Variants in GLRA3 observed in about 807,000 individuals in gnomAD.
The protein encoded by GLRA3 is glycine receptor subunit alpha-3.
A neutral mutation model predicts 60.4 loss-of-function variants in GLRA3; 44 were observed. That is an observed-to-expected ratio of 0.73 (90% CI 0.57 to 0.94). The LOEUF is 0.94. Ranked by LOEUF, GLRA3 falls within the 40% of genes least tolerant of loss-of-function variation. GLRA3 has a pLI of 0.00. For synonymous variants in GLRA3, 223 were observed against 192.9 expected (o/e 1.16, Z -1.29); for missense variants, 508 against 564.6 (o/e 0.90, Z 1.02).
At chr4:174,828,095 A>G (rs1741050786) in intron 1 of GLRA3, among the ~76,000 whole-genome samples, 1 of 152,146 alleles carries the variant, frequency 6.6e-6, no homozygotes. Context: ...TGATAAGAAA[A>G]TGACATGTCA....
intron 8 of GLRA3, among the ~76,000 whole-genome samples, chr4:174,658,307 T>TA (rs1469471504): frequency 6.6e-6 from 1 of 152,184 alleles, no homozygotes; most frequent in Non-Finnish European, 1.5e-5. Context: ...CTGCGGTTGA[T>TA]AGAGGCTCTC....
intron 7 of GLRA3, among the ~76,000 whole-genome samples, chr4:174,664,492 T>G (rs1405262666): frequency 6.6e-6 from 1 of 152,100 alleles, no homozygotes; most frequent in Admixed American, 6.6e-5. Flanking sequence ...CACTCTGCAG[T>G]TGTTCACCCC....
intron 5 of GLRA3, among the ~76,000 whole-genome samples, chr4:174,690,432 C>T (rs577952249): frequency 3.3e-5 from 5 of 152,038 alleles, no homozygotes; most frequent in Non-Finnish European, 7.4e-5. Flanking sequence ...CAAAATCAGA[C>T]CTATGTGTGG....
At chr4:174,812,773 C>T (rs976239531) in intron 1 of GLRA3, among the ~76,000 whole-genome samples, 1 of 152,130 alleles carries the variant, frequency 6.6e-6, no homozygotes, top group Non-Finnish European at 1.5e-5. Context: ...TCAGTTTATA[C>T]TTAAAGCTAA....
chr4:174,793,335 C>T (rs1015481265), intron 1 of GLRA3, among the ~76,000 whole-genome samples: 1 of 151,908 alleles, frequency 6.6e-6, no homozygotes, highest in Non-Finnish European at 1.5e-5. Context: ...TTTATTTACT[C>T]CCATGGTATC....
intron 7 of GLRA3, among the ~76,000 whole-genome samples, chr4:174,660,966 T>C (rs1484517855): frequency 6.6e-6 from 1 of 152,180 alleles, no homozygotes; most frequent in Non-Finnish European, 1.5e-5. Context: ...TATTTGAGCA[T>C]TTCCTCACTT....
chr4:174,790,542 C>G (rs987060019), intron 1 of GLRA3, among the ~76,000 whole-genome samples: 12 of 151,966 alleles, frequency 7.9e-5, no homozygotes, highest in Non-Finnish European at 1.6e-4. Context: ...CTACATGCTG[C>G]TGCTTTTAAA....
chr4:174,799,747 G>A (rs145226655), intron 1 of GLRA3, among the ~76,000 whole-genome samples: 21 of 152,012 alleles, frequency 1.4e-4, no homozygotes, highest in African/African-American at 5.1e-4. Flanking sequence ...CTAAATAAAT[G>A]CAAACATATT....
At chr4:174,683,448 T>G (rs923513242) in intron 5 of GLRA3, among the ~76,000 whole-genome samples, 7 of 152,124 alleles carry the variant, frequency 4.6e-5, no homozygotes, top group Admixed American at 2.0e-4. Context: ...CCTCCTGGGT[T>G]CAAGTGATTC....
At chr4:174,714,063 C>T (rs1304590751) in intron 5 of GLRA3, among the ~76,000 whole-genome samples, 1 of 152,224 alleles carries the variant, frequency 6.6e-6, no homozygotes, top group African/African-American at 2.4e-5. Context: ...TCTCCTGTTT[C>T]TACCTTCCAC....
rs748400564 is a variant in GLRA3, at chr4:174,788,914, G to T, written c.101C>A (p.Ala34Glu). ...TGACATTGGAGCACTTCGAGATCTT[G>T]CACTGTCTGTTTCCTTTGTGGCAAC... is the stretch of plus-strand genomic sequence containing the variant. ...SLVATKETDS[A>E]RSRSAPMSPS... is the part of the protein sequence containing the mutation. The change falls in exon 2 of 10, where the codon GCA becomes GAA. Residue 34 changes from alanine (A) to glutamate (E), a missense_variant. Physicochemically the swap from Ala to Glu is moderately radical, Grantham distance 107 (BLOSUM62 -1). Transcript: ENST00000274093. 200 of 1,603,790 alleles carry T rather than the reference G, an allele frequency of 1.2e-4. No individual in the cohort carries two copies. Among genetic ancestry groups the T allele is most frequent in the Non-Finnish European group, 1.7e-4 (194 of 1,173,940 alleles).
At chr4:174,816,857 A>T (rs1740523448) in intron 1 of GLRA3, among the ~76,000 whole-genome samples, 1 of 152,272 alleles carries the variant, frequency 6.6e-6, no homozygotes, top group South Asian at 2.1e-4. Flanking sequence ...TTGTGGGTAC[A>T]TAGCAGGTAT....
chr4:174,825,167 G>T (rs935904500), intron 1 of GLRA3, among the ~76,000 whole-genome samples: 5 of 151,982 alleles, frequency 3.3e-5, no homozygotes, highest in African/African-American at 1.2e-4. Context: ...ATATAGCAAA[G>T]ATTTTTTTAA....
In GLRA3 at chr4:174,640,300, C is replaced by A. The variant is rs1210312367; in HGVS notation, c.*3486G>T. On this transcript the variant is annotated 3_prime_UTR_variant, in exon 10 of 10. Transcript: ENST00000274093. ...GAAAAACAATGCTGTCAGTTTCCTT[C>A]TTTTCCATTTACAAAATACTGCAAG... 6.6e-6 allele frequency: 1 copy of A among 151,992 alleles called. No homozygotes were observed. Among genetic ancestry groups the A allele is most frequent in the African/African-American group, 2.4e-5 (1 of 41,424 alleles). 9.4% of individuals were successfully genotyped at this position (151,992 alleles called of 1,614,324 possible).
Position 174,641,408 on chromosome 4 carries a change from C to G in GLRA3, c.*2378G>C, listed in dbSNP as rs1732618140. The G allele has an allele frequency of 6.6e-6, 1 of 152,046 alleles. No individual in the cohort carries two copies. Among genetic ancestry groups the G allele is most frequent in the Admixed American group, 6.6e-5 (1 of 15,242 alleles). The allele number at this position is 152,046 out of a possible 1,614,324, so 9.4% of individuals were successfully genotyped here. A position where few individuals can be genotyped will look rare whatever the true frequency, so the allele number is the denominator to read the frequency against. ...GTCTATAAGAGTTCGAAGGAGGAGACACATTCCTTTAAACATATTGGATTC... is the reference window on the plus strand; with the variant it reads ...GTCTATAAGAGTTCGAAGGAGGAGAGACATTCCTTTAAACATATTGGATTC... On this transcript the variant is annotated 3_prime_UTR_variant, in exon 10 of 10. Transcript: ENST00000274093.
At chr4:174,817,545 C>T (rs11133056) in intron 1 of GLRA3, among the ~76,000 whole-genome samples, 36,801 of 152,098 alleles carry the variant, frequency 0.24, 5,362 homozygotes, top group Non-Finnish European at 0.32. Flanking sequence ...CGTTCAACAG[C>T]CCTCACTTCT....
chr4:174,645,668 C>A (rs1192792415), intron 9 of GLRA3, among the ~76,000 whole-genome samples: 1 of 151,896 alleles, frequency 6.6e-6, no homozygotes, highest in Non-Finnish European at 1.5e-5. Flanking sequence ...ATGTATAAGC[C>A]ATTGAATTTT....
Position 174,728,681 on chromosome 4 carries a change from G to A in GLRA3, c.285C>T (p.Ile95=), listed in dbSNP as rs1736422375. ...GATCATTCCATTTCTGACGAAGAAAGATATTCACTCTGTAATCCTATGATA... is the reference window on the plus strand; with the variant it reads ...GATCATTCCATTTCTGACGAAGAAAAATATTCACTCTGTAATCCTATGATA... ...AETTMDYRVN[I]FLRQKWNDPR... The change falls in exon 4 of 10, where the codon ATC becomes ATT. Residue 95 remains isoleucine (I), a synonymous_variant. Transcript: ENST00000274093. 1.9e-6 allele frequency: 3 copies of A among 1,580,472 alleles called. No individual in the cohort carries two copies. The highest frequency in any genetic ancestry group is 2.6e-6 in the Non-Finnish European group (3 of 1,152,288).
chr4:174,683,430 A>G (rs1734434171), intron 5 of GLRA3, among the ~76,000 whole-genome samples: 1 of 151,850 alleles, frequency 6.6e-6, no homozygotes, highest in Non-Finnish European at 1.5e-5. Context: ...AGCTCACCGC[A>G]ACCTCAGCCT....
Sources: allele counts gnomAD v4.1 joint callset (sites outside exome capture counted in the v4.1 genomes callset), GRCh38; gene constraint gnomAD v4.1.1; transcripts MANE v1.5; gene names NCBI Gene and HGNC (gene_info 2026-07-23, HGNC 2026-07-21).